CLBA1: variants seen among roughly 807,000 people sequenced by gnomAD.
CLBA1 encodes uncharacterized protein CLBA1.
In CLBA1, 30 loss-of-function variants were observed where a neutral mutation model predicts 28.8. That is an observed-to-expected ratio of 1.04 (90% CI 0.78 to 1.41). The LOEUF is 1.41. CLBA1 is among the 40% of genes most tolerant of loss of function. CLBA1 has a pLI of 0.00. For synonymous variants in CLBA1, 160 were observed against 152.8 expected, an observed-to-expected ratio of 1.05 and a Z score of -0.35; for missense variants, 451 against 412.3, an observed-to-expected ratio of 1.09 and a Z score of -0.81.
At chr14:104,989,442 G>A (rs950242093) in intron 2 of CLBA1, 5 of 394,292 alleles carry the variant, frequency 1.3e-5, no homozygotes, top group Non-Finnish European at 2.5e-5. Flanking sequence ...GGCCTTCTGG[G>A]GGACTTGGCT....
At chr14:105,001,143 C>T (rs750116378) in intron 2 of CLBA1, among the ~76,000 whole-genome samples, 4 of 151,188 alleles carry the variant, frequency 2.6e-5, no homozygotes, top group Non-Finnish European at 5.9e-5. Context: ...TTATGCTAAG[C>T]GAAATAAGCT....
At chr14:104,987,049 A>C (rs886975988) in intron 1 of CLBA1, among the ~76,000 whole-genome samples, 195 bp downstream of exon 1, 2 of 152,232 alleles carry the variant, frequency 1.3e-5, no homozygotes, top group African/African-American at 4.8e-5. Context: ...ATGAGTTGGC[A>C]GAGGAGGCTG....
downstream of CLBA1, among the ~76,000 whole-genome samples, chr14:104,999,769 G>A (rs916392870): frequency 5.3e-5 from 8 of 152,210 alleles, 1 homozygote; most frequent in Non-Finnish European, 7.3e-5. Context: ...AATGAAAATG[G>A]CACTGATCAA....
In CLBA1 at chr14:104,986,556, G is replaced by A. The variant is rs1455734866; in HGVS notation, c.125G>A (p.Cys42Tyr). ...SDDSLEWRRT[C>Y]PDLLLSDGKA... Reference sequence around the variant, plus strand: ...GACAGTTTGGAATGGAGACGGACCTGCCCCGACCTTCTCCTGTCCGATGGG... The same window carrying A: ...GACAGTTTGGAATGGAGACGGACCTACCCCGACCTTCTCCTGTCCGATGGG... Residue 42 changes from cysteine (C) to tyrosine (Y), a missense_variant, in exon 1 of 5, where the codon TGC becomes TAC. Coordinates refer to ENST00000547315, the MANE Select transcript of CLBA1 (RefSeq NM_174891.4). 1 of 1,613,934 alleles carries A rather than the reference G, an allele frequency of 6.2e-7. No individual in the cohort carries two copies. The highest frequency in any genetic ancestry group is 8.5e-7 in the Non-Finnish European group (1 of 1,180,032).
rs544403712 is a variant in CLBA1 at position 104,986,630 on chromosome 14, C to T, written c.199C>T (p.Arg67Ter). 5.0e-6 allele frequency: 8 copies of T among 1,614,054 alleles called. No homozygotes were observed. Among genetic ancestry groups the T allele is most frequent in the East Asian group, 2.2e-5 (1 of 44,862 alleles). ...PREGGSTCTA[R>*]CPDPGEHSST... is the part of the protein sequence containing the mutation. ...TGAGGGCGGTTCCACCTGCACTGCC[C>T]GATGTCCTGACCCTGGGGAACACAG... Residue 67 changes from arginine (R) to a stop codon, truncating the protein, a stop_gained, in exon 1 of 5, where the codon CGA (arginine) becomes TGA (stop). Transcript: ENST00000547315. LOFTEE classifies it high-confidence loss of function.
intron 4 of CLBA1, chr14:104,993,924 C>T: frequency 1.0e-6 from 1 of 985,396 alleles, no homozygotes; most frequent in Non-Finnish European, 1.2e-6. Context: ...GCTGGGACAG[C>T]AGGAAGGTTG....
intron 2 of CLBA1, chr14:104,990,869 G>T (rs1900000167): frequency 6.5e-6 from 1 of 153,918 alleles, no homozygotes; most frequent in South Asian, 2.0e-4. Flanking sequence ...ACGGCAGTAA[G>T]TCAGCTACTC....
chr14:104,986,972 C>T lies in CLBA1; in HGVS notation c.423+118C>T, dbSNP rs940823934. 17 of 1,225,538 alleles carry T rather than the reference C, an allele frequency of 1.4e-5. No individual in the cohort carries two copies. In the African/African-American group the frequency reaches 2.6e-4, roughly 19 times the overall value. 75.9% of individuals were successfully genotyped at this position (1,225,538 alleles called of 1,614,324 possible). A position where few individuals can be genotyped will look rare whatever the true frequency, so the allele number is the denominator to read the frequency against. ...GAGGGGGCTGACAGCCCCAGAGCGT[C>T]TGCTTCTCTCCTGGCCTTCGTCCCT... is the stretch of plus-strand genomic sequence containing the variant. On this transcript the variant is annotated intron_variant, in intron 1 of 4. Transcript: ENST00000547315.
At chr14:104,996,119 C>T (rs190091293), downstream of CLBA1, among the ~76,000 whole-genome samples, 344 of 152,360 alleles carry the variant, frequency 2.3e-3, no homozygotes, top group African/African-American at 8.0e-3. Flanking sequence ...CCTCACCTGG[C>T]TGGATGTTGG....
chr14:104,991,403 G>A (rs1234420991), intron 2 of CLBA1, 88 bp from the exon 3 acceptor site: 3 of 1,535,976 alleles, frequency 2.0e-6, no homozygotes, highest in East Asian at 2.3e-5. Flanking sequence ...TAAAGGCCAG[G>A]CGCCCCGCTG....
At chr14:104,999,174 A>G, downstream of CLBA1, 1 of 981,934 alleles carries the variant, frequency 1.0e-6, no homozygotes, top group South Asian at 4.7e-5. Flanking sequence ...TATTTCCCCA[A>G]ATAAACTTCT....
chr14:104,988,846 C>A (rs1001040374), intron 1 of CLBA1, 97 bp from the exon 2 acceptor site: 65 of 1,294,512 alleles, frequency 5.0e-5, no homozygotes, highest in Non-Finnish European at 6.0e-5. Context: ...TGATCAATTA[C>A]AAATTTCATT....
At chr14:104,987,766 C>T (rs1595441592) in intron 1 of CLBA1, among the ~76,000 whole-genome samples, 1 of 149,464 alleles carries the variant, frequency 6.7e-6, no homozygotes, top group Non-Finnish European at 1.5e-5. Flanking sequence ...TACAGGCATC[C>T]ACCACCACGC....
intron 3 of CLBA1, 129 bp from the exon 4 acceptor site, chr14:104,992,819 C>G: frequency 1.2e-6 from 1 of 823,216 alleles, no homozygotes; most frequent in South Asian, 1.3e-5. Context: ...AACTGGTGCG[C>G]TGACCTTGAG....
At position 104,986,563 on chromosome 14, in the gene CLBA1, C is replaced by A. The variant is rs765371856; in HGVS notation, c.132C>A (p.Asp44Glu). The A allele has an allele frequency of 1.4e-5, 23 of 1,613,962 alleles. No individual in the cohort carries two copies. The Admixed American group carries it at 3.3e-4, about 23-fold the overall frequency. The change falls in exon 1 of 5, where the codon GAC becomes GAA. Residue 44 changes from aspartate to glutamate, a missense_variant. Asp to Glu is a conservative substitution (Grantham distance 45, BLOSUM62 2). Coordinates refer to ENST00000547315, the MANE Select transcript of CLBA1 (RefSeq NM_174891.4). ...DSLEWRRTCP[D>E]LLLSDGKASI... Reference sequence around the variant, plus strand: ...TGGAATGGAGACGGACCTGCCCCGACCTTCTCCTGTCCGATGGGAAAGCCA... The same window carrying A: ...TGGAATGGAGACGGACCTGCCCCGAACTTCTCCTGTCCGATGGGAAAGCCA...
chr14:105,000,168 G>C (rs548966371), downstream of CLBA1, among the ~76,000 whole-genome samples: 1 of 152,280 alleles, frequency 6.6e-6, no homozygotes, highest in South Asian at 2.1e-4. Context: ...CCATATGTCT[G>C]ATAAGGGGTT....
intron 4 of CLBA1, chr14:104,993,617 C>T (rs1343682835): frequency 3.0e-6 from 3 of 985,332 alleles, no homozygotes; most frequent in African/African-American, 3.5e-5. Context: ...AAGGGGACTT[C>T]TTCTTGCAGC....
downstream of CLBA1, among the ~76,000 whole-genome samples, chr14:104,999,780 A>C (rs1900231755): frequency 6.6e-6 from 1 of 152,250 alleles, no homozygotes; most frequent in Non-Finnish European, 1.5e-5. Flanking sequence ...CACTGATCAA[A>C]ATCTGAGTGA....
Position 104,986,452 on chromosome 14 carries a change from G to A in CLBA1, c.21G>A (p.Leu7=). The A allele has an allele frequency of 6.2e-6, 10 of 1,612,670 alleles. No individual in the cohort carries two copies. Among genetic ancestry groups the A allele is most frequent in the Non-Finnish European group, 8.5e-6 (10 of 1,179,888 alleles). MQGRRE[L]GGEPLSDLQE... The stretch of plus-strand genomic sequence containing the variant: ...CCAAGATGCAAGGCCGGCGGGAGCT[G>A]GGGGGAGAGCCTTTGAGTGACCTCC... The change falls in exon 1 of 5, where the codon CTG becomes CTA. Residue 7 remains leucine (L), a synonymous_variant. Transcript: ENST00000547315.
Sources: gnomAD v4.1 joint callset for allele counts (sites outside exome capture counted in the v4.1 genomes callset) on GRCh38, gnomAD v4.1.1 for gene constraint, MANE v1.5 for transcripts, NCBI Gene and HGNC (gene_info 2026-07-23, HGNC 2026-07-21) for gene names.